The following MALRD1 variants were observed in gnomAD, a reference collection of about 807,000 sequenced individuals.
The protein encoded by MALRD1 is MAM and LDL receptor class A domain containing 1.
MALRD1 carries 247 observed loss-of-function variants against 242.1 expected under a neutral mutation model. The observed-to-expected ratio is 1.02, with a 90% CI of 0.92 to 1.13. MALRD1 has a LOEUF of 1.13. MALRD1 is among the 50% of genes most tolerant of loss of function. MALRD1 has a pLI of 0.00. For synonymous variants in MALRD1, 995 were observed against 866.6 expected (o/e 1.15, Z -2.60); for missense variants, 2,989 against 2,533.1 (o/e 1.18, Z -3.86).
chr10:19,654,167 T>G (rs73595886), intron 36 of MALRD1, among the ~76,000 whole-genome samples: 1 of 152,074 alleles, frequency 6.6e-6, no homozygotes, highest in African/African-American at 2.4e-5. Context: ...AGCACTGCCA[T>G]CTACCTGGCA....
chr10:19,082,565 C>T lies in MALRD1; in HGVS notation c.341-5275C>T, dbSNP rs574151581. Among the ~76,000 whole-genome samples, 402 of 151,918 alleles carry T rather than the reference C, an allele frequency of 2.6e-3. 1 individual carries two copies. Among genetic ancestry groups the T allele is most frequent in the Admixed American group, 4.5e-3 (69 of 15,214 alleles). ...GATTTAAAGTCTTTGTCTAATAAGTCTGGTCTTTCTCAGAGACATTGTGTA... is the reference window on the plus strand; with the variant it reads ...GATTTAAAGTCTTTGTCTAATAAGTTTGGTCTTTCTCAGAGACATTGTGTA... On this transcript the variant is annotated intron_variant, in intron 2 of 39. Transcript: ENST00000454679.
intron 1 of MALRD1, among the ~76,000 whole-genome samples, chr10:19,058,567 T>C (rs1378861793): frequency 6.6e-6 from 1 of 152,080 alleles, no homozygotes; most frequent in Non-Finnish European, 1.5e-5. Flanking sequence ...TAAATTAGAA[T>C]ATATAAATTA....
At chr10:19,592,442 C>T (rs1266024745) in intron 33 of MALRD1, among the ~76,000 whole-genome samples, 3 of 152,206 alleles carry the variant, frequency 2.0e-5, no homozygotes, top group Non-Finnish European at 2.9e-5. Flanking sequence ...GGAGGTGTAA[C>T]TCTGGAGGGC....
At chr10:19,373,887 G>A (rs528692952) in intron 26 of MALRD1, among the ~76,000 whole-genome samples, 5 of 152,096 alleles carry the variant, frequency 3.3e-5, no homozygotes, top group African/African-American at 4.8e-5. Flanking sequence ...ATACAAGAAC[G>A]CACATTTATC....
chr10:19,047,470 G>A (rs1834367104), upstream of MALRD1, among the ~76,000 whole-genome samples: 1 of 152,018 alleles, frequency 6.6e-6, no homozygotes, highest in Non-Finnish European at 1.5e-5. Context: ...TTGAAATCAT[G>A]AGAGTGAAGA....
intron 29 of MALRD1, among the ~76,000 whole-genome samples, chr10:19,477,985 G>C (rs1259481741): frequency 6.6e-6 from 1 of 152,138 alleles, no homozygotes; most frequent in Admixed American, 6.6e-5. Flanking sequence ...GCCGGCATTC[G>C]CCTGTGCAAG....
At chr10:19,372,719 C>T (rs746853261) in intron 26 of MALRD1, among the ~76,000 whole-genome samples, 10 of 152,028 alleles carry the variant, frequency 6.6e-5, no homozygotes, top group African/African-American at 2.4e-4. Flanking sequence ...CCACCTGCCT[C>T]GGCCTCCCTA....
intron 1 of MALRD1, among the ~76,000 whole-genome samples, chr10:19,060,066 G>C (rs906715138): frequency 6.6e-6 from 1 of 152,124 alleles, no homozygotes; most frequent in Non-Finnish European, 1.5e-5. Context: ...TCAGAGTCTG[G>C]CACTTTTTCT....
chr10:19,173,848 G>C (rs1045051466), intron 13 of MALRD1, among the ~76,000 whole-genome samples: 7 of 152,110 alleles, frequency 4.6e-5, no homozygotes, highest in Non-Finnish European at 8.8e-5. Flanking sequence ...TTCTTATACA[G>C]CATTTATGAT....
chr10:19,533,298 C>T (rs1834510043), intron 32 of MALRD1, among the ~76,000 whole-genome samples: 1 of 152,166 alleles, frequency 6.6e-6, no homozygotes, highest in Non-Finnish European at 1.5e-5. Flanking sequence ...TTGGTGCTTA[C>T]TGGTTTTTCT....
intron 5 of MALRD1, among the ~76,000 whole-genome samples, chr10:19,108,804 A>T (rs1204147391): frequency 6.6e-6 from 1 of 151,988 alleles, no homozygotes; most frequent in Non-Finnish European, 1.5e-5. Flanking sequence ...CTTTTTGGGC[A>T]ATATATAAAT....
chr10:19,076,517 C>T (rs1369821078), intron 2 of MALRD1, among the ~76,000 whole-genome samples: 4 of 151,886 alleles, frequency 2.6e-5, no homozygotes, highest in African/African-American at 4.8e-5. Flanking sequence ...TGTACCTATC[C>T]AGTTGTCTGA....
intron 36 of MALRD1, among the ~76,000 whole-genome samples, chr10:19,676,997 C>T (rs531910927): frequency 5.0e-4 from 76 of 152,294 alleles, no homozygotes; most frequent in Middle Eastern, 6.8e-3. Flanking sequence ...AACATGATCT[C>T]ATTCTGTTTT....
At chr10:19,556,053 C>A (rs575084924) in intron 32 of MALRD1, among the ~76,000 whole-genome samples, 34 of 152,020 alleles carry the variant, frequency 2.2e-4, no homozygotes, top group African/African-American at 6.8e-4. Flanking sequence ...AAGGAAAATT[C>A]TCTCACCAGC....
At chr10:19,734,077 G>T (rs1438214152) in intron 39 of MALRD1, 80 bp from the exon 40 acceptor site, 11 of 1,111,412 alleles carry the variant, frequency 9.9e-6, no homozygotes, top group Non-Finnish European at 1.4e-5. Context: ...GACCTTTGCT[G>T]CATTCTGCGT....
chr10:19,452,554 C>T (rs1036460613), intron 29 of MALRD1, among the ~76,000 whole-genome samples: 4 of 152,138 alleles, frequency 2.6e-5, no homozygotes, highest in African/African-American at 9.7e-5. Context: ...GCCCAGCCAT[C>T]TACAATTAAC....
intron 28 of MALRD1, among the ~76,000 whole-genome samples, chr10:19,426,117 G>A (rs1379924656): frequency 3.3e-5 from 5 of 152,096 alleles, no homozygotes; most frequent in Non-Finnish European, 7.3e-5. Flanking sequence ...TCAGCAAAAT[G>A]TTAATGTCTT....
At chr10:19,186,207 C>T (rs1048011555) in intron 14 of MALRD1, among the ~76,000 whole-genome samples, 3 of 151,996 alleles carry the variant, frequency 2.0e-5, no homozygotes, top group Middle Eastern at 3.2e-3. Context: ...ACTGGATTTC[C>T]ATTCTCTTCT....
chr10:19,183,993 G>A (rs1447712917), intron 14 of MALRD1, among the ~76,000 whole-genome samples: 1 of 152,114 alleles, frequency 6.6e-6, no homozygotes, highest in African/African-American at 2.4e-5. Context: ...TAACTGAAGG[G>A]CTGAAAAACC....
Sources: allele counts gnomAD v4.1 joint callset (sites outside exome capture counted in the v4.1 genomes callset), GRCh38; gene constraint gnomAD v4.1.1; transcripts MANE v1.5; gene names NCBI Gene and HGNC (gene_info 2026-07-23, HGNC 2026-07-21).